The following MGAT4C variants were observed in gnomAD, a reference collection of about 807,000 sequenced individuals.
MGAT4C encodes the protein MGAT4 family member C, also known as alpha-1,3-mannosyl-glycoprotein 4-beta-N-acetylglucosaminyltransferase C.
Under a neutral mutation model 40.1 loss-of-function variants are expected in MGAT4C, and 19 were observed. The observed-to-expected ratio is 0.47, with a 90% CI of 0.33 to 0.70. The LOEUF is 0.70. MGAT4C is among the 30% of genes least tolerant of loss of function. The probability of loss-of-function intolerance (pLI) is 0.02; values close to 1 mark genes in which losing one functional copy is unlikely to be tolerated. For synonymous variants in MGAT4C, 181 were observed against 187.1 expected, an observed-to-expected ratio of 0.97 and a Z score of 0.27; for missense variants, 491 against 563.2, an observed-to-expected ratio of 0.87 and a Z score of 1.30.
chr12:86,518,127 A>G (rs1958729367), intron 2 of MGAT4C, among the ~76,000 whole-genome samples: 1 of 152,200 alleles, frequency 6.6e-6, no homozygotes, highest in Non-Finnish European at 1.5e-5. Context: ...CCATTAAAAT[A>G]ATGAGTCAGA....
At chr12:86,171,893 C>T (rs1207047885) in intron 1 of MGAT4C, among the ~76,000 whole-genome samples, 2 of 152,154 alleles carry the variant, frequency 1.3e-5, no homozygotes, top group African/African-American at 2.4e-5. Context: ...TAGAGACCCA[C>T]AAAGCAATCA....
intron 2 of MGAT4C, among the ~76,000 whole-genome samples, chr12:86,459,124 A>G (rs1432418232): frequency 6.6e-6 from 1 of 152,146 alleles, no homozygotes; most frequent in African/African-American, 2.4e-5. Flanking sequence ...ATACATATAC[A>G]AAATATAAGT....
chr12:86,562,953 G>A (rs533100059), intron 2 of MGAT4C, among the ~76,000 whole-genome samples: 1 of 152,204 alleles, frequency 6.6e-6, no homozygotes, highest in South Asian at 2.1e-4. Context: ...TAAAAAGATG[G>A]CCCATTTTGA....
chr12:86,624,896 A>G (rs1962753178), intron 2 of MGAT4C, among the ~76,000 whole-genome samples: 2 of 152,038 alleles, frequency 1.3e-5, no homozygotes. Context: ...TTTATAAAAT[A>G]AAAAATTTTG....
At chr12:86,739,431 A>C (rs991856234) in intron 1 of MGAT4C, among the ~76,000 whole-genome samples, 3 of 151,048 alleles carry the variant, frequency 2.0e-5, no homozygotes, top group African/African-American at 7.3e-5. Flanking sequence ...AATAAAGCAT[A>C]TATTCTCACT....
intron 2 of MGAT4C, among the ~76,000 whole-genome samples, chr12:86,543,255 C>T (rs142535258): frequency 1.3e-5 from 2 of 151,358 alleles, no homozygotes; most frequent in African/African-American, 4.8e-5. Context: ...AATCATATGG[C>T]AATTTTTATA....
At chr12:86,243,764 G>T (rs997366625) in intron 1 of MGAT4C, among the ~76,000 whole-genome samples, 16 of 152,228 alleles carry the variant, frequency 1.1e-4, no homozygotes, top group Admixed American at 7.8e-4. Flanking sequence ...GAGAAAAAAA[G>T]GTTAGTAGAC....
At chr12:86,518,437 A>G (rs929473370) in intron 2 of MGAT4C, among the ~76,000 whole-genome samples, 1 of 152,228 alleles carries the variant, frequency 6.6e-6, no homozygotes, top group African/African-American at 2.4e-5. Context: ...TCACATGAAA[A>G]TATGTTCAAA....
chr12:86,384,541 T>A (rs1956016740), intron 3 of MGAT4C, among the ~76,000 whole-genome samples: 1 of 152,198 alleles, frequency 6.6e-6, no homozygotes, highest in South Asian at 2.1e-4. Context: ...AGATAAAATA[T>A]CTTGCCCAAA....
At chr12:86,695,903 A>G (rs1211161632) in intron 2 of MGAT4C, among the ~76,000 whole-genome samples, 2 of 152,090 alleles carry the variant, frequency 1.3e-5, no homozygotes, top group Non-Finnish European at 2.9e-5. Context: ...ATTTAATTGT[A>G]CATTTTAAAA....
At chr12:86,117,811 G>T (rs886874315) in intron 1 of MGAT4C, among the ~76,000 whole-genome samples, 3 of 152,092 alleles carry the variant, frequency 2.0e-5, no homozygotes, top group South Asian at 2.1e-4. Flanking sequence ...TCATCCAACA[G>T]AGATAAAGTA....
intron 1 of MGAT4C, among the ~76,000 whole-genome samples, chr12:86,254,997 C>T (rs1216425001): frequency 6.6e-6 from 1 of 151,990 alleles, no homozygotes; most frequent in Non-Finnish European, 1.5e-5. Context: ...AAGCTCAACT[C>T]GAGAATCTCC....
At chr12:86,831,620 G>T (rs1003050193) in intron 1 of MGAT4C, among the ~76,000 whole-genome samples, 1 of 151,740 alleles carries the variant, frequency 6.6e-6, no homozygotes, top group African/African-American at 2.4e-5. Context: ...GCAATGTAAT[G>T]TACGTAGTTA....
Position 86,527,901 on chromosome 12 carries a change from G to T in MGAT4C, c.-228-92636C>A, listed in dbSNP as rs1169392941. On this transcript the variant is annotated intron_variant, in intron 2 of 7. Coordinates refer to the MGAT4C transcript ENST00000548651. ...AAGTGGACTTCATAAAAATAGAGTA[G>T]ACTGGTGGTTACAAGGCTGAAAGTG... Among the ~76,000 whole-genome samples, 5 of 152,090 alleles carry T rather than the reference G, an allele frequency of 3.3e-5. No individual in the cohort carries two copies. The East Asian group carries it at 5.8e-4, about 18-fold the overall frequency.
intron 3 of MGAT4C, among the ~76,000 whole-genome samples, chr12:86,372,741 A>C (rs567196338): frequency 6.6e-6 from 1 of 151,958 alleles, no homozygotes; most frequent in Non-Finnish European, 1.5e-5. Context: ...TTTTATATTC[A>C]ATTGCAATAG....
chr12:86,211,185 A>G (rs568866463), intron 1 of MGAT4C, among the ~76,000 whole-genome samples: 6 of 147,396 alleles, frequency 4.1e-5, no homozygotes, highest in South Asian at 2.2e-4. Context: ...GTTAGCATAT[A>G]CCATGCAGTC....
At chr12:86,514,548 C>T (rs1958650935) in intron 2 of MGAT4C, among the ~76,000 whole-genome samples, 1 of 152,142 alleles carries the variant, frequency 6.6e-6, no homozygotes, top group African/African-American at 2.4e-5. Flanking sequence ...CTCATTCTTC[C>T]ATTACTAAAA....
At chr12:86,565,689 T>G (rs1339142283) in intron 2 of MGAT4C, among the ~76,000 whole-genome samples, 1 of 152,182 alleles carries the variant, frequency 6.6e-6, no homozygotes, top group Non-Finnish European at 1.5e-5. Context: ...GGGATGTGGA[T>G]GGACCTCTCT....
At chr12:86,278,537 G>C (rs1953134120) in intron 4 of MGAT4C, among the ~76,000 whole-genome samples, 1 of 151,514 alleles carries the variant, frequency 6.6e-6, no homozygotes, top group Admixed American at 6.6e-5. Context: ...ACTGATTTTT[G>C]TGTGTTGATT....
Sources: allele counts gnomAD v4.1 joint callset (sites outside exome capture counted in the v4.1 genomes callset), GRCh38; gene constraint gnomAD v4.1.1; transcripts MANE v1.5; gene names NCBI Gene and HGNC (gene_info 2026-07-23, HGNC 2026-07-21).